The following PPP3CC variants were observed in gnomAD, a reference collection of about 807,000 sequenced individuals.
PPP3CC encodes serine/threonine-protein phosphatase 2B catalytic subunit gamma isoform.
Under a neutral mutation model 60.3 loss-of-function variants are expected in PPP3CC, and 35 were observed. The observed-to-expected ratio is 0.58, with a 90% CI of 0.44 to 0.77. The LOEUF is 0.77. Among genes scored for constraint, PPP3CC ranks in the 30% least tolerant of loss-of-function variants. PPP3CC has a pLI of 0.00. For synonymous variants in PPP3CC, 206 were observed against 224.3 expected (o/e 0.92, Z 0.73); for missense variants, 570 against 628.9 (o/e 0.91, Z 1.00).
At chr8:22,494,739 CCTT>C (rs1838513214) in intron 3 of PPP3CC, among the ~76,000 whole-genome samples, 1 of 152,150 alleles carries the variant, frequency 6.6e-6, no homozygotes, top group Non-Finnish European at 1.5e-5. Flanking sequence ...CCACACTCTC[CCTT>C]CTTGTTTTAG....
At chr8:22,492,941 C>T in intron 3 of PPP3CC, 1 of 1,253,470 alleles carries the variant, frequency 8.0e-7, no homozygotes, top group Admixed American at 1.7e-5. Flanking sequence ...TTGGTGCACA[C>T]TGTCTGACTA....
intron 1 of PPP3CC, among the ~76,000 whole-genome samples, chr8:22,455,196 T>A (rs970257185): frequency 6.6e-6 from 1 of 152,222 alleles, no homozygotes; most frequent in Non-Finnish European, 1.5e-5. Flanking sequence ...TCCTATTACA[T>A]GGAGCACATT....
In PPP3CC at chr8:22,540,690, G is replaced by T; in HGVS notation, c.1427G>T (p.Arg476Leu). 1 of 1,614,140 alleles carries T rather than the reference G, an allele frequency of 6.2e-7. No individual in the cohort carries two copies. The highest frequency in any genetic ancestry group is 8.5e-7 in the Non-Finnish European group (1 of 1,180,018). ...CGAGGTCTGGACCGAATTAATGAGC[G>T]AATGCCACCCCGAAAGGATAGCATA... ...EARGLDRINE[R>L]MPPRKDSIHA... Residue 476 changes from arginine (R) to leucine (L), a missense_variant, in exon 14 of 14, where the codon CGA becomes CTA. Arg to Leu is a moderately radical substitution (Grantham distance 102). Coordinates refer to ENST00000240139, the MANE Select transcript of PPP3CC (RefSeq NM_005605.5).
intron 1 of PPP3CC, among the ~76,000 whole-genome samples, chr8:22,454,322 G>A (rs1837125875): frequency 6.6e-6 from 1 of 152,112 alleles, no homozygotes; most frequent in Non-Finnish European, 1.5e-5. Context: ...TCCACCTCCT[G>A]TCCCACTGGA....
At chr8:22,526,736 G>A (rs1839571137) in intron 8 of PPP3CC, among the ~76,000 whole-genome samples, 1 of 152,172 alleles carries the variant, frequency 6.6e-6, no homozygotes, top group Admixed American at 6.5e-5. Flanking sequence ...AAATCAGTTT[G>A]GCATCAAAGT....
chr8:22,537,044 A>G (rs1274721276), intron 12 of PPP3CC, among the ~76,000 whole-genome samples: 1 of 152,248 alleles, frequency 6.6e-6, no homozygotes, highest in African/African-American at 2.4e-5. Flanking sequence ...AAGATTCACA[A>G]AGACCATCAG....
At position 22,504,151 on chromosome 8, in the gene PPP3CC, T is replaced by C. The variant is rs1277851691; in HGVS notation, c.484+6039T>C. Among the ~76,000 whole-genome samples the C allele has an allele frequency of 2.0e-5, 3 of 152,198 alleles. No individual in the cohort carries two copies. In the East Asian group the frequency reaches 5.8e-4, roughly 29 times the overall value. On this transcript the variant is annotated intron_variant, in intron 4 of 13. Coordinates refer to ENST00000240139, the MANE Select transcript of PPP3CC (RefSeq NM_005605.5). ...TCTTTATGGAAAAGTAATAATGTTT[T>C]TTTTTAAATTGATGTATAATAGTTG...
At chr8:22,518,624 G>C (rs1271380699) in intron 6 of PPP3CC, among the ~76,000 whole-genome samples, 1 of 152,142 alleles carries the variant, frequency 6.6e-6, no homozygotes, top group Non-Finnish European at 1.5e-5. Context: ...TCTGTTGTTT[G>C]CTTATTGATT....
At chr8:22,540,163 T>TTAGC (rs1311715034) in intron 13 of PPP3CC, among the ~76,000 whole-genome samples, 2 of 152,210 alleles carry the variant, frequency 1.3e-5, no homozygotes, top group African/African-American at 4.8e-5. Context: ...AACGAAAAGA[T>TTAGC]TAGCTCTTTT....
chr8:22,526,925 A>T (rs1263256567), intron 8 of PPP3CC, among the ~76,000 whole-genome samples: 2 of 152,210 alleles, frequency 1.3e-5, no homozygotes, highest in African/African-American at 4.8e-5. Context: ...TTCCAGTATG[A>T]GTTGATAACT....
rs149264721 is a variant in PPP3CC, at chr8:22,514,124, G to A, written c.770+692G>A. ...AGCCAGATGTGGTGGCAACACGCCT[G>A]TAATCCCAGCTAATTGGGAGACTTC... On this transcript the variant is annotated intron_variant, in intron 6 of 13. Transcript: ENST00000240139. 8.2e-3 allele frequency among the ~76,000 whole-genome samples: 1,251 copies of A among 152,076 alleles called. 16 individuals are homozygous for A. Among genetic ancestry groups the A allele is most frequent in the African/African-American group, 0.026 (1,096 of 41,474 alleles).
At chr8:22,514,590 A>C (rs970561552) in intron 6 of PPP3CC, among the ~76,000 whole-genome samples, 2 of 151,776 alleles carry the variant, frequency 1.3e-5, no homozygotes, top group African/African-American at 2.4e-5. Context: ...AAGGTAAATG[A>C]GTTATCCATC....
chr8:22,522,370 A>T, intron 6 of PPP3CC, 121 bp from the exon 7 acceptor site: 1 of 680,960 alleles, frequency 1.5e-6, no homozygotes, highest in Non-Finnish European at 2.5e-6. Flanking sequence ...AAATTTCAGT[A>T]GTGTGTAATA....
At position 22,529,366 on chromosome 8, in the gene PPP3CC, T is replaced by G. The variant is rs77109632; in HGVS notation, c.1141+789T>G. On this transcript the variant is annotated intron_variant, in intron 10 of 13. Transcript: ENST00000240139. ...ATACTGTTTATGATACTTGTTATAGTCTGGTGTTACTAAGTTTTTAATTAA... is the reference window on the plus strand; with the variant it reads ...ATACTGTTTATGATACTTGTTATAGGCTGGTGTTACTAAGTTTTTAATTAA... 4.3e-3 allele frequency among the ~76,000 whole-genome samples: 648 copies of G among 152,338 alleles called. 6 individuals carry two copies. The highest frequency in any genetic ancestry group is 0.015 in the African/African-American group (627 of 41,572).
chr8:22,491,863 T>C (rs189168735), intron 3 of PPP3CC, among the ~76,000 whole-genome samples: 58 of 152,352 alleles, frequency 3.8e-4, no homozygotes, highest in African/African-American at 1.4e-3. Flanking sequence ...TTTTCCCATA[T>C]ATTCTTGGAA....
At position 22,455,469 on chromosome 8, in the gene PPP3CC, A is replaced by C. The variant is rs552872692; in HGVS notation, c.49+14011A>C. ...AGAGGTAAGACTTTTGTGTTTTTTT[A>C]TGTGTGTGCCTACGTATGTTTTTTT... is the stretch of plus-strand genomic sequence containing the variant. On this transcript the variant is annotated intron_variant, in intron 1 of 13. Coordinates refer to ENST00000240139, the MANE Select transcript of PPP3CC (RefSeq NM_005605.5). 3.1e-3 allele frequency among the ~76,000 whole-genome samples: 477 copies of C among 152,142 alleles called. 3 individuals carry two copies. Among genetic ancestry groups the C allele is most frequent in the African/African-American group, 0.011 (452 of 41,508 alleles).
intron 12 of PPP3CC, among the ~76,000 whole-genome samples, 161 bp from the exon 13 acceptor site, chr8:22,539,308 G>A (rs1179357374): frequency 6.6e-6 from 1 of 151,436 alleles, no homozygotes; most frequent in Non-Finnish European, 1.5e-5. Flanking sequence ...TGAGTCTCTC[G>A]CAATAATCTT....
chr8:22,476,931 C>CA (rs200213778), intron 3 of PPP3CC, among the ~76,000 whole-genome samples: 6,211 of 65,138 alleles, frequency 0.095, 229 homozygotes, highest in Admixed American at 0.21. Flanking sequence ...GACTCTGTCT[C>CA]AAAAAAAAAA....
chr8:22,525,540 C>CTTTCTT (rs1563780688), intron 8 of PPP3CC, among the ~76,000 whole-genome samples: 3 of 39,276 alleles, frequency 7.6e-5, no homozygotes, highest in Admixed American at 3.5e-4. Context: ...CTTTCTTTCT[C>CTTTCTT]TCCCTCTCTC....
Sources: allele counts gnomAD v4.1 joint callset (sites outside exome capture counted in the v4.1 genomes callset), GRCh38; gene constraint gnomAD v4.1.1; transcripts MANE v1.5; gene names NCBI Gene and HGNC (gene_info 2026-07-23, HGNC 2026-07-21).